The following DACH1 variants were observed in gnomAD, a reference collection of about 807,000 sequenced individuals.
The protein encoded by DACH1 is dachshund homolog 1.
A neutral mutation model predicts 54.2 loss-of-function variants in DACH1; 12 were observed. That is an observed-to-expected ratio of 0.22 (90% CI 0.14 to 0.36). The LOEUF is 0.36. Ranked by LOEUF, DACH1 falls within the 10% of genes least tolerant of loss-of-function variation. The pLI is 1.00. For synonymous variants in DACH1, 386 were observed against 366.2 expected, an observed-to-expected ratio of 1.05 and a Z score of -0.62; for missense variants, 805 against 929.8, an observed-to-expected ratio of 0.87 and a Z score of 1.75.
At chr13:71,505,168 C>T (rs914425966) in intron 6 of DACH1, among the ~76,000 whole-genome samples, 5 of 152,038 alleles carry the variant, frequency 3.3e-5, no homozygotes, top group Admixed American at 2.6e-4. Flanking sequence ...CTGCAACGTC[C>T]GGCTCCGAAG....
intron 1 of DACH1, among the ~76,000 whole-genome samples, chr13:71,754,873 G>A (rs536377288): frequency 1.1e-4 from 17 of 152,204 alleles, no homozygotes; most frequent in Admixed American, 5.9e-4. Context: ...AGTATGTTAT[G>A]AATTGTTAAA....
At chr13:71,609,415 T>C (rs948745425) in intron 3 of DACH1, among the ~76,000 whole-genome samples, 1 of 152,206 alleles carries the variant, frequency 6.6e-6, no homozygotes, top group Non-Finnish European at 1.5e-5. Flanking sequence ...GCTGTGTACA[T>C]ACTATAAACA....
intron 2 of DACH1, among the ~76,000 whole-genome samples, chr13:71,662,800 C>T (rs1879595045): frequency 6.6e-6 from 1 of 151,862 alleles, no homozygotes; most frequent in African/African-American, 2.4e-5. Flanking sequence ...ATAAAAATGG[C>T]ACTTTCCACT....
intron 1 of DACH1, among the ~76,000 whole-genome samples, chr13:71,710,452 TTG>T (rs71681955): frequency 0.18 from 24,687 of 140,356 alleles, 2,404 homozygotes; most frequent in East Asian, 0.47. Context: ...TATGAGGGTT[TTG>T]TGTGTGTGTG....
chr13:71,570,548 C>G (rs1359812713), intron 4 of DACH1, among the ~76,000 whole-genome samples: 1 of 152,152 alleles, frequency 6.6e-6, no homozygotes, highest in Non-Finnish European at 1.5e-5. Context: ...TCAACACTTT[C>G]AAAATCCACA....
At chr13:71,498,684 G>A (rs1879652776) in intron 6 of DACH1, among the ~76,000 whole-genome samples, 2 of 151,206 alleles carry the variant, frequency 1.3e-5, no homozygotes, top group Non-Finnish European at 1.5e-5. Flanking sequence ...ACCATGGCAA[G>A]AAACGGGCAC....
rs1365571112 is a variant in DACH1 at position 71,501,982 on chromosome 13, G to A, written c.1571-12834C>T. Among the ~76,000 whole-genome samples, 72 of 152,094 alleles carry A rather than the reference G, an allele frequency of 4.7e-4. 1 individual carries two copies. The highest frequency in any genetic ancestry group is 4.7e-3 in the Admixed American group (72 of 15,248). ...CTAGGAAAGACAGCAGCCTGAATTT[G>A]AGCCCAAATAACCTTATTTCACAGC... On this transcript the variant is annotated intron_variant, in intron 6 of 10. Transcript: ENST00000613252.
chr13:71,592,512 A>G (rs1214391209), intron 3 of DACH1, among the ~76,000 whole-genome samples: 4 of 149,214 alleles, frequency 2.7e-5, no homozygotes, highest in South Asian at 4.2e-4. Context: ...AAAAAAAAAA[A>G]AAAAAGAAAA....
intron 10 of DACH1, among the ~76,000 whole-genome samples, chr13:71,449,768 AC>A (rs1874849112): frequency 6.6e-6 from 1 of 152,158 alleles, no homozygotes; most frequent in South Asian, 2.1e-4. Context: ...TAATAATTAG[AC>A]CAAAAAATTG....
intron 7 of DACH1, among the ~76,000 whole-genome samples, chr13:71,483,904 T>C (rs1386865535): frequency 6.6e-6 from 1 of 152,180 alleles, no homozygotes; most frequent in Non-Finnish European, 1.5e-5. Context: ...TAGACAGGTA[T>C]ATACTAGGCA....
At chr13:71,448,714 A>G (rs1874700010) in intron 10 of DACH1, among the ~76,000 whole-genome samples, 1 of 152,216 alleles carries the variant, frequency 6.6e-6, no homozygotes, top group Non-Finnish European at 1.5e-5. Flanking sequence ...CATGAAATGC[A>G]GATAATAACA....
At chr13:71,712,369 T>C (rs1048276584) in intron 1 of DACH1, among the ~76,000 whole-genome samples, 6 of 152,094 alleles carry the variant, frequency 3.9e-5, no homozygotes, top group Middle Eastern at 3.2e-3. Flanking sequence ...GGTATATAGA[T>C]AACATACATA....
At chr13:71,490,301 C>T (rs569219755) in intron 6 of DACH1, among the ~76,000 whole-genome samples, 3 of 152,266 alleles carry the variant, frequency 2.0e-5, no homozygotes, top group South Asian at 2.1e-4. Context: ...TTTCCAATTA[C>T]GTCTCTCTGG....
intron 3 of DACH1, among the ~76,000 whole-genome samples, chr13:71,585,119 G>T (rs1018085396): frequency 1.3e-5 from 2 of 152,026 alleles, no homozygotes; most frequent in Admixed American, 1.3e-4. Flanking sequence ...AGGCACTGTT[G>T]TAAGTACTGG....
chr13:71,644,893 G>A (rs1482581415), intron 2 of DACH1, among the ~76,000 whole-genome samples: 1 of 152,168 alleles, frequency 6.6e-6, no homozygotes, highest in African/African-American at 2.4e-5. Context: ...CAGGTTTATA[G>A]CAGCAGCTCT....
At chr13:71,823,934 T>G (rs1888288126) in intron 1 of DACH1, among the ~76,000 whole-genome samples, 1 of 151,934 alleles carries the variant, frequency 6.6e-6, no homozygotes, top group South Asian at 2.1e-4. Context: ...TATCAAACAC[T>G]TGCCAAATTT....
At chr13:71,786,522 A>C (rs1886597509) in intron 1 of DACH1, among the ~76,000 whole-genome samples, 1 of 152,198 alleles carries the variant, frequency 6.6e-6, no homozygotes, top group Non-Finnish European at 1.5e-5. Flanking sequence ...AATAATAGAA[A>C]GTAAAAAGGT....
intron 1 of DACH1, among the ~76,000 whole-genome samples, chr13:71,817,216 T>A (rs1440748854): frequency 6.6e-6 from 1 of 152,214 alleles, no homozygotes; most frequent in African/African-American, 2.4e-5. Context: ...TAGTTCAACC[T>A]TATCACTCCA....
chr13:71,847,842 G>A lies in DACH1; in HGVS notation c.848+18080C>T, dbSNP rs560506839. Among the ~76,000 whole-genome samples the A allele has an allele frequency of 5.3e-5, 8 of 152,204 alleles. No individual in the cohort carries two copies. In the South Asian group the frequency reaches 1.5e-3, roughly 28 times the overall value. Reference sequence around the variant, plus strand: ...TGACAAAGGAAGAACAATAGTATTCGGATATAGGTAATATTATATTGATGT... The same window carrying A: ...TGACAAAGGAAGAACAATAGTATTCAGATATAGGTAATATTATATTGATGT... On this transcript the variant is annotated intron_variant, in intron 1 of 10. Coordinates refer to ENST00000613252, the MANE Select transcript of DACH1 (RefSeq NM_080759.6).
Sources: allele counts gnomAD v4.1 joint callset (sites outside exome capture counted in the v4.1 genomes callset), GRCh38; gene constraint gnomAD v4.1.1; transcripts MANE v1.5; gene names NCBI Gene and HGNC (gene_info 2026-07-23, HGNC 2026-07-21).